The following WWOX variants were observed in gnomAD, a reference collection of about 807,000 sequenced individuals.
WWOX encodes the protein WW domain-containing oxidoreductase.
WWOX carries 69 observed loss-of-function variants against 46.2 expected under a neutral mutation model. The ratio of observed to expected loss-of-function variants is 1.49; its 90% CI spans 1.23 to 1.82. The LOEUF (loss-of-function observed/expected upper bound fraction) is 1.82. Ranked by LOEUF, WWOX falls within the 40% of genes most tolerant of loss-of-function variation. WWOX has a pLI of 0.00. For missense variants in WWOX, 919 were observed against 542.6 expected, an observed-to-expected ratio of 1.69 and a Z score of -6.89; for synonymous variants, 359 against 202.6, an observed-to-expected ratio of 1.77 and a Z score of -6.56.
At chr16:78,292,032 G>T (rs138179042) in intron 5 of WWOX, among the ~76,000 whole-genome samples, 9 of 147,100 alleles carry the variant, frequency 6.1e-5, no homozygotes. Context: ...CCTGTTTTTT[G>T]TATGGCTTAT....
chr16:78,980,799 A>G (rs2046665603), intron 8 of WWOX, among the ~76,000 whole-genome samples: 1 of 152,156 alleles, frequency 6.6e-6, no homozygotes, highest in African/African-American at 2.4e-5. Flanking sequence ...CATCATCTGG[A>G]AAGGAGGAAT....
At chr16:78,733,591 C>G (rs562942886) in intron 8 of WWOX, among the ~76,000 whole-genome samples, 2 of 135,254 alleles carry the variant, frequency 1.5e-5, no homozygotes, top group East Asian at 2.2e-4. Context: ...ACTGAAAATA[C>G]AAAAAAAAAA....
rs148962965 is a variant in WWOX, at chr16:79,072,111, C to T, written c.1057-139497C>T. ...CAGCTTGGCCAAAACAGTGAGACTC[C>T]ATCTCTACAAAAAAAGAAAAATAAA... is the stretch of plus-strand genomic sequence containing the variant. On this transcript the variant is annotated intron_variant, in intron 8 of 8. Transcript: ENST00000566780. Among the ~76,000 whole-genome samples the T allele has an allele frequency of 6.8e-3, 1,030 of 152,112 alleles. 15 individuals are homozygous for T. Among genetic ancestry groups the T allele is most frequent in the African/African-American group, 0.024 (989 of 41,486 alleles).
In WWOX at chr16:78,197,211, C is replaced by T. The variant is rs1020093608; in HGVS notation, c.516+32922C>T. On this transcript the variant is annotated intron_variant, in intron 5 of 8. Transcript: ENST00000566780. ...ACTAAGAAACTCAGCCAGGGTCCGT[C>T]AGCTGTCAAGTGGCATTGCTGGCAC... 2.0e-5 allele frequency among the ~76,000 whole-genome samples: 3 copies of T among 152,166 alleles called. No homozygotes were observed. In the South Asian group the frequency reaches 6.2e-4, roughly 32 times the overall value.
intron 8 of WWOX, among the ~76,000 whole-genome samples, chr16:79,100,454 C>T (rs1179832504): frequency 1.3e-5 from 2 of 152,096 alleles, no homozygotes; most frequent in East Asian, 1.9e-4. Context: ...CAGTAATAAA[C>T]AGCAAACGGG....
chr16:79,091,779 G>GT (rs11329411), intron 8 of WWOX, among the ~76,000 whole-genome samples: 25,107 of 109,130 alleles, frequency 0.23, 4,623 homozygotes, highest in East Asian at 0.7. Flanking sequence ...TCTTTTCTTT[G>GT]TTTTTTTTTT....
chr16:78,332,058 C>G (rs576392455), intron 5 of WWOX, among the ~76,000 whole-genome samples: 13 of 152,282 alleles, frequency 8.5e-5, no homozygotes, highest in African/African-American at 3.1e-4. Context: ...ATTACTGTTT[C>G]TCTGTTGAGG....
chr16:78,708,842 C>T (rs7206203), intron 8 of WWOX, among the ~76,000 whole-genome samples: 94,743 of 152,060 alleles, frequency 0.62, 30,609 homozygotes, highest in African/African-American at 0.81. Flanking sequence ...TTCACAGCGC[C>T]CAGCAAAGGG....
chr16:78,978,571 C>G (rs1281407637), intron 8 of WWOX, among the ~76,000 whole-genome samples: 2 of 152,164 alleles, frequency 1.3e-5, no homozygotes, highest in Admixed American at 6.5e-5. Flanking sequence ...GTTTAATTGG[C>G]TCATGATTCT....
chr16:78,409,340 C>T (rs913652927), intron 6 of WWOX, among the ~76,000 whole-genome samples: 17 of 152,144 alleles, frequency 1.1e-4, no homozygotes, highest in Non-Finnish European at 2.1e-4. Flanking sequence ...CATCACCCCC[C>T]AAATGTCCTC....
chr16:78,145,597 A>G (rs1399996198), intron 4 of WWOX, among the ~76,000 whole-genome samples: 1 of 152,094 alleles, frequency 6.6e-6, no homozygotes, highest in Admixed American at 6.6e-5. Flanking sequence ...GTCTCTCTTC[A>G]TCCGCTGACT....
At chr16:78,857,020 A>T (rs1076598) in intron 8 of WWOX, among the ~76,000 whole-genome samples, 29,057 of 152,212 alleles carry the variant, frequency 0.19, 3,119 homozygotes, top group South Asian at 0.31. Context: ...GTATTTGCAT[A>T]TACAAACATA....
At chr16:79,059,041 G>C (rs1021049359) in intron 8 of WWOX, among the ~76,000 whole-genome samples, 1 of 152,180 alleles carries the variant, frequency 6.6e-6, no homozygotes, top group African/African-American at 2.4e-5. Context: ...GATTTCTGGA[G>C]ATTGTTATCA....
intron 8 of WWOX, among the ~76,000 whole-genome samples, chr16:78,766,459 C>T (rs1567545657): frequency 6.6e-6 from 1 of 152,250 alleles, no homozygotes; most frequent in Non-Finnish European, 1.5e-5. Flanking sequence ...GTCGTGTCTC[C>T]TCCGTGTAGT....
intron 8 of WWOX, among the ~76,000 whole-genome samples, chr16:78,561,866 T>G (rs1028880740): frequency 6.6e-6 from 1 of 152,176 alleles, no homozygotes; most frequent in Non-Finnish European, 1.5e-5. Context: ...TTGAAAATAG[T>G]TGGTCTCTTG....
chr16:78,403,903 C>T (rs1240603572), intron 6 of WWOX, among the ~76,000 whole-genome samples: 2 of 152,136 alleles, frequency 1.3e-5, no homozygotes, highest in Non-Finnish European at 2.9e-5. Context: ...TGCAGGTCAG[C>T]CTAATTGCAT....
intron 8 of WWOX, among the ~76,000 whole-genome samples, chr16:78,867,399 C>T (rs1280353499): frequency 6.6e-6 from 1 of 152,110 alleles, no homozygotes; most frequent in African/African-American, 2.4e-5. Flanking sequence ...CATCTTACCT[C>T]AACTGGTGAC....
rs137899849 is a variant in WWOX, at chr16:78,711,643, A to G, written c.1056+278891A>G. ...CCATTCCTATATAACATCGTCTGAT[A>G]AATGTATTTGAGACGAACAGGCCAA... On this transcript the variant is annotated intron_variant, in intron 8 of 8. Coordinates refer to ENST00000566780, the MANE Select transcript of WWOX (RefSeq NM_016373.4). 1.8e-3 allele frequency among the ~76,000 whole-genome samples: 273 copies of G among 152,288 alleles called. 1 individual carries two copies. Among genetic ancestry groups the G allele is most frequent in the African/African-American group, 6.3e-3 (261 of 41,574 alleles).
chr16:79,163,728 C>T (rs1295287881), intron 8 of WWOX, among the ~76,000 whole-genome samples: 8 of 140,748 alleles, frequency 5.7e-5, no homozygotes, highest in African/African-American at 1.1e-4. Context: ...AACTGGGAGG[C>T]GGAGGTTGCA....
Sources: allele counts gnomAD v4.1 joint callset (sites outside exome capture counted in the v4.1 genomes callset), GRCh38; gene constraint gnomAD v4.1.1; transcripts MANE v1.5; gene names NCBI Gene and HGNC (gene_info 2026-07-23, HGNC 2026-07-21).